WDR33: variants seen among roughly 807,000 people sequenced by gnomAD.
WDR33 encodes WD repeat domain 33.
In WDR33, 47 loss-of-function variants were observed where a neutral mutation model predicts 164.9. The observed-to-expected ratio is 0.29, with a 90% confidence interval of 0.23 to 0.36. WDR33 has a LOEUF of 0.36. Among genes scored for constraint, WDR33 ranks in the 10% least tolerant of loss-of-function variants. The pLI is 1.00. For synonymous variants in WDR33, 505 were observed against 589.0 expected, an observed-to-expected ratio of 0.86 and a Z score of 2.06; for missense variants, 1,137 against 1,754.1, an observed-to-expected ratio of 0.65 and a Z score of 6.28.
chr2:127,797,671 T>C (rs897809224), intron 1 of WDR33, among the ~76,000 whole-genome samples: 2 of 152,134 alleles, frequency 1.3e-5, no homozygotes, highest in Non-Finnish European at 2.9e-5. Context: ...TTAAAGGGTC[T>C]AGATTTGATG....
At chr2:127,802,499 C>A (rs886089947) in intron 1 of WDR33, among the ~76,000 whole-genome samples, 2 of 152,050 alleles carry the variant, frequency 1.3e-5, no homozygotes, top group South Asian at 4.1e-4. Flanking sequence ...CCAGGCTGGT[C>A]TCAAACTCCT....
chr2:127,736,484 A>T (rs1317831710), intron 7 of WDR33: 1 of 985,332 alleles, frequency 1.0e-6, no homozygotes, highest in Non-Finnish European at 1.2e-6. Context: ...ACACAAACAT[A>T]AAAAAGCAAG....
Position 127,726,877 on chromosome 2 carries a change from C to G in WDR33, c.725-100G>C, listed in dbSNP as rs992260930. 1 of 1,475,572 alleles carries G rather than the reference C, an allele frequency of 6.8e-7. No individual in the cohort carries two copies. Among genetic ancestry groups the G allele is most frequent in the Non-Finnish European group, 9.2e-7 (1 of 1,090,758 alleles). 91.4% of individuals were successfully genotyped at this position (1,475,572 alleles called of 1,614,324 possible). Reference sequence around the variant, plus strand: ...CCTAGTAAATGTTTTGCTCTCAGTGCTCAGTCAACTTAAAACTTGTTTTGT... The same window carrying G: ...CCTAGTAAATGTTTTGCTCTCAGTGGTCAGTCAACTTAAAACTTGTTTTGT... On this transcript the variant is annotated intron_variant, in intron 7 of 21. Transcript: ENST00000322313. The surrounding 1 kb of genome is among the most constrained non-coding windows in gnomAD (Gnocchi z 4.8).
At chr2:127,761,654 A>G (rs114657383) in intron 7 of WDR33, among the ~76,000 whole-genome samples, 2,178 of 152,330 alleles carry the variant, frequency 0.014, 65 homozygotes, top group African/African-American at 0.051. Context: ...GCTGGGAGTC[A>G]AATGATAAGA....
Position 127,709,077 on chromosome 2 carries a change from A to T in WDR33, c.3566-185T>A, listed in dbSNP as rs1417971011. Among the ~76,000 whole-genome samples, 2 of 152,176 alleles carry T rather than the reference A, an allele frequency of 1.3e-5. No individual in the cohort carries two copies. The highest frequency in any genetic ancestry group is 4.8e-5 in the African/African-American group (2 of 41,438). ...TCCTCATGTAAGAGGGGCAGGTAAG[A>T]TCCAGAGAACTCGTTCTCAGGCATT... On this transcript the variant is annotated intron_variant, in intron 20 of 21. Transcript: ENST00000322313. The surrounding 1 kb of genome is among the most constrained non-coding windows in gnomAD (Gnocchi z 5.0).
In WDR33 at chr2:127,769,021, A is replaced by ATAAATAAC. The variant is rs1558946153; in HGVS notation, c.205-21_205-20insGTTATTTA. On this transcript the variant is annotated intron_variant, in intron 2 of 21. Coordinates refer to ENST00000322313, the MANE Select transcript of WDR33 (RefSeq NM_018383.5). The stretch of plus-strand genomic sequence containing the variant: ...TCTGTTCTGTTAAATAAATAAATAA[A>ATAAATAAC]TAAATAAATAAATAAATAGATCAAT... 7 of 1,254,832 alleles carry ATAAATAAC rather than the reference A, an allele frequency of 5.6e-6. No homozygotes were observed. Among genetic ancestry groups the ATAAATAAC allele is most frequent in the Non-Finnish European group, 7.3e-6 (7 of 961,058 alleles). 77.7% of individuals were successfully genotyped at this position (1,254,832 alleles called of 1,614,324 possible).
intron 17 of WDR33, among the ~76,000 whole-genome samples, chr2:127,715,368 G>A (rs552246486): frequency 8.5e-5 from 13 of 152,188 alleles, no homozygotes; most frequent in African/African-American, 3.1e-4. Context: ...ACAGGCATGC[G>A]CCACTGCACC....
intron 4 of WDR33, among the ~76,000 whole-genome samples, chr2:127,766,423 C>T (rs1211105429): frequency 2.0e-5 from 3 of 152,154 alleles, no homozygotes; most frequent in Non-Finnish European, 4.4e-5. Context: ...AAAGCCTCCC[C>T]TCTTTCTAGT....
chr2:127,791,700 G>A (rs1485228606), intron 1 of WDR33, among the ~76,000 whole-genome samples: 1 of 152,086 alleles, frequency 6.6e-6, no homozygotes. Context: ...TCCTGTATTA[G>A]AAATCATATG....
intron 7 of WDR33, among the ~76,000 whole-genome samples, chr2:127,752,424 A>C (rs970557983): frequency 6.6e-6 from 1 of 151,622 alleles, no homozygotes; most frequent in Non-Finnish European, 1.5e-5. Context: ...CCCCGTCTCT[A>C]CTAAAAATAC....
chr2:127,701,755 G>T lies in WDR33; in HGVS notation c.*4568C>A, dbSNP rs752590388. 2.0e-4 allele frequency: 278 copies of T among 1,421,090 alleles called. 1 individual carries two copies. The East Asian group carries it at 8.4e-3, about 43-fold the overall frequency. The allele number at this position is 1,421,090 out of a possible 1,614,324, so 88.0% of individuals were successfully genotyped here. ...CTCCCGAGCGTGACGCGCGGGCAGC[G>T]GCTGGCGGCGGGCGGCGGGTGCCTG... On this transcript the variant is annotated 3_prime_UTR_variant, in exon 22 of 22. Coordinates refer to ENST00000322313, the MANE Select transcript of WDR33 (RefSeq NM_018383.5).
chr2:127,732,089 TA>T (rs1686721707), intron 7 of WDR33, among the ~76,000 whole-genome samples: 1 of 120,198 alleles, frequency 8.3e-6, no homozygotes, highest in Non-Finnish European at 1.8e-5. Flanking sequence ...GTCTCAAAAA[TA>T]AAACAAACAA....
At chr2:127,809,173 A>G (rs1227374231) in intron 1 of WDR33, among the ~76,000 whole-genome samples, 3 of 152,124 alleles carry the variant, frequency 2.0e-5, no homozygotes, top group Admixed American at 2.0e-4. Context: ...AACTTCAGCC[A>G]TAATCAAATA....
chr2:127,724,168 A>C lies in WDR33; in HGVS notation c.1196+165T>G, dbSNP rs191663257. 6.2e-4 allele frequency among the ~76,000 whole-genome samples: 95 copies of C among 152,342 alleles called. 1 individual carries two copies. Among genetic ancestry groups the C allele is most frequent in the Admixed American group, 5.7e-3 (87 of 15,308 alleles). On this transcript the variant is annotated intron_variant, in intron 11 of 21. Coordinates refer to ENST00000322313, the MANE Select transcript of WDR33 (RefSeq NM_018383.5). This position sits in a 1 kb window ranked among gnomAD's most constrained non-coding sequence, Gnocchi z 4.8. ...ATAGCCAAAACCATATTCAATACCC[A>C]ATCTCTTTATTGCAATATAAGTATT...
In WDR33 at chr2:127,705,338, T is replaced by G. The variant is rs1685986152; in HGVS notation, c.*985A>C. On this transcript the variant is annotated 3_prime_UTR_variant, in exon 22 of 22. Coordinates refer to ENST00000322313, the MANE Select transcript of WDR33 (RefSeq NM_018383.5). The surrounding 1 kb of genome is among the most constrained non-coding windows in gnomAD (Gnocchi z 4.5). ...AACAAGGAATTTGCCATGGACAAGATCTATCTGGCTTACTGTGAGTTAGAA... is the reference window on the plus strand; with the variant it reads ...AACAAGGAATTTGCCATGGACAAGAGCTATCTGGCTTACTGTGAGTTAGAA... 1 of 160,342 alleles carries G rather than the reference T, an allele frequency of 6.2e-6. No individual in the cohort carries two copies. Among genetic ancestry groups the G allele is most frequent in the East Asian group, 1.9e-4 (1 of 5,200 alleles). The allele number at this position is 160,342 out of a possible 1,614,324, so 9.9% of individuals were successfully genotyped here.
In WDR33 at chr2:127,709,406, C is replaced by T. The variant is rs1686097453; in HGVS notation, c.3565+84G>A. ...GGAGACATGAGCTGGAAAGAGGAGA[C>T]CCGGTGCACCCCAGAGAGGGCCCTC... On this transcript the variant is annotated intron_variant, in intron 20 of 21. Transcript: ENST00000322313. The surrounding 1 kb of genome is among the most constrained non-coding windows in gnomAD (Gnocchi z 5.0). 1.5e-6 allele frequency: 2 copies of T among 1,347,266 alleles called. No individual in the cohort carries two copies. Among genetic ancestry groups the T allele is most frequent in the South Asian group, 1.2e-5 (1 of 83,452 alleles). 83.5% of individuals were successfully genotyped at this position (1,347,266 alleles called of 1,614,324 possible). A position where few individuals can be genotyped will look rare whatever the true frequency, so the allele number is the denominator to read the frequency against.
At chr2:127,806,366 C>G (rs1287571299) in intron 1 of WDR33, among the ~76,000 whole-genome samples, 16 of 151,844 alleles carry the variant, frequency 1.1e-4, no homozygotes, top group Non-Finnish European at 2.9e-5. Flanking sequence ...CGCAACCACA[C>G]CCGGCTAATT....
rs1211367906 is a variant in WDR33, at chr2:127,721,378, G to A, written c.1671+458C>T. Among the ~76,000 whole-genome samples, 2 of 152,170 alleles carry A rather than the reference G, an allele frequency of 1.3e-5. No individual in the cohort carries two copies. The highest frequency in any genetic ancestry group is 2.9e-5 in the Non-Finnish European group (2 of 68,046). ...CTGCCTCGGCCTCCCAAAGTGCTGGGATTACAGGTGTAAGCCACCACGCCT... is the reference window on the plus strand; with the variant it reads ...CTGCCTCGGCCTCCCAAAGTGCTGGAATTACAGGTGTAAGCCACCACGCCT... On this transcript the variant is annotated intron_variant, in intron 15 of 21. Transcript: ENST00000322313. This position sits in a 1 kb window ranked among gnomAD's most constrained non-coding sequence, Gnocchi z 4.9.
rs1199487367 is a variant in WDR33, at chr2:127,763,209, T to A, written c.627-50A>T. On this transcript the variant is annotated intron_variant, in intron 6 of 21. Transcript: ENST00000322313. This position sits in a 1 kb window ranked among gnomAD's most constrained non-coding sequence, Gnocchi z 4.5. Reference sequence around the variant, plus strand: ...GGGAAAGAAGTCAGCATTTAACAGATAATCTGTGCTTCTCAGACAGGGAAA... The same window carrying A: ...GGGAAAGAAGTCAGCATTTAACAGAAAATCTGTGCTTCTCAGACAGGGAAA... 1 of 1,613,142 alleles carries A rather than the reference T, an allele frequency of 6.2e-7. No individual in the cohort carries two copies. The highest frequency in any genetic ancestry group is 8.5e-7 in the Non-Finnish European group (1 of 1,179,344).
Sources: gnomAD v4.1 joint callset for allele counts (sites outside exome capture counted in the v4.1 genomes callset) on GRCh38, gnomAD v4.1.1 for gene constraint, Gnocchi (gnomAD v3.1) non-coding constraint, MANE v1.5 for transcripts, NCBI Gene and HGNC (gene_info 2026-07-23, HGNC 2026-07-21) for gene names.